Variants in PDCD6IP observed in about 807,000 individuals in gnomAD.
PDCD6IP encodes the protein programmed cell death 6 interacting protein, also known as programmed cell death 6-interacting protein.
PDCD6IP carries 43 observed loss-of-function variants against 103.7 expected under a neutral mutation model. That is an observed-to-expected ratio of 0.41 (90% CI 0.32 to 0.53). The LOEUF is 0.53. Ranked by LOEUF, PDCD6IP falls within the 20% of genes least tolerant of loss-of-function variation. The probability of loss-of-function intolerance (pLI) is 0.16; values close to 1 mark genes in which losing one functional copy is unlikely to be tolerated. For synonymous variants in PDCD6IP, 354 were observed against 378.7 expected (o/e 0.93, Z 0.76); for missense variants, 871 against 1,036.7 (o/e 0.84, Z 2.20).
chr3:33,815,743 T>A (rs1429551483), intron 3 of PDCD6IP, among the ~76,000 whole-genome samples: 1 of 152,200 alleles, frequency 6.6e-6, no homozygotes. Context: ...TGTTGGATAT[T>A]TATTCCTCTT....
chr3:33,835,782 T>C (rs1276193988), intron 7 of PDCD6IP, among the ~76,000 whole-genome samples: 1 of 152,214 alleles, frequency 6.6e-6, no homozygotes, highest in African/African-American at 2.4e-5. Flanking sequence ...CAGTTTATAC[T>C]GATGGGCTCA....
In PDCD6IP at chr3:33,811,931, G is replaced by A. The variant is rs565072587; in HGVS notation, c.210-141G>A. 4.9e-5 allele frequency: 55 copies of A among 1,128,376 alleles called. No individual in the cohort carries two copies. In the Middle Eastern group the frequency reaches 1.6e-3, roughly 32 times the overall value. 69.9% of individuals were successfully genotyped at this position (1,128,376 alleles called of 1,614,324 possible). The stretch of plus-strand genomic sequence containing the variant: ...TATATTTTTTAAGCTTCTGGTTTAC[G>A]TATTAAAAAACTTTTTTTCATATAA... On this transcript the variant is annotated intron_variant, in intron 1 of 17. Coordinates refer to ENST00000307296, the MANE Select transcript of PDCD6IP (RefSeq NM_013374.6).
Position 33,828,853 on chromosome 3 carries a change from G to A in PDCD6IP, c.718G>A (p.Glu240Lys). Reference protein sequence around the residue: ...QCQYKDTLPKEVFPVLAAKHC... With the variant: ...QCQYKDTLPKKVFPVLAAKHC... ...CCCTGGTCAGTATTTTTATTTCCAG[G>A]AGGTGTTCCCTGTCTTGGCTGCAAA... Residue 240 changes from glutamate to lysine, a missense_variant and splice_region_variant, in exon 7 of 18, where the codon GAG becomes AAG. Glu to Lys is a moderately conservative substitution (Grantham distance 56, BLOSUM62 1). This residue lies in a region of PDCD6IP where 242 missense variants were observed against 250.7 expected (regional missense o/e 0.97). Transcript: ENST00000307296. The A allele has an allele frequency of 6.2e-7, 1 of 1,612,826 alleles. No individual in the cohort carries two copies. Among genetic ancestry groups the A allele is most frequent in the Non-Finnish European group, 8.5e-7 (1 of 1,179,170 alleles).
chr3:33,838,774 GTGTATATATATATATTTA>G (rs1697407788), intron 9 of PDCD6IP, among the ~76,000 whole-genome samples: 1 of 150,682 alleles, frequency 6.6e-6, no homozygotes, highest in Non-Finnish European at 1.5e-5. Flanking sequence ...GTGTGTGTAT[GTGTATATATATATATTTA>G]TGTATATATA....
At chr3:33,814,691 T>C (rs541110937) in intron 3 of PDCD6IP, among the ~76,000 whole-genome samples, 399 of 146,208 alleles carry the variant, frequency 2.7e-3, no homozygotes, top group Non-Finnish European at 3.1e-3. Flanking sequence ...ATATAATGTG[T>C]ATTATATATA....
chr3:33,814,546 GATATATGTATATTTCATGT>G (rs1331497997), intron 3 of PDCD6IP, among the ~76,000 whole-genome samples: 32 of 142,206 alleles, frequency 2.3e-4, no homozygotes, highest in Admixed American at 5.8e-4. Context: ...ATGTATATGT[GATATATGTATATTTCATGT>G]ATATATGTAT....
At chr3:33,825,061 C>A in intron 4 of PDCD6IP, 126 bp from the exon 5 acceptor site, 1 of 795,400 alleles carries the variant, frequency 1.3e-6, no homozygotes, top group South Asian at 1.7e-5. Context: ...ATTGGTTTTG[C>A]ATAATATAAA....
At chr3:33,843,403 C>T (rs570480982) in intron 10 of PDCD6IP, among the ~76,000 whole-genome samples, 1 of 148,552 alleles carries the variant, frequency 6.7e-6, no homozygotes, top group East Asian at 2.0e-4. Flanking sequence ...GGATGGTGGG[C>T]CAGTGCTAGC....
intron 1 of PDCD6IP, among the ~76,000 whole-genome samples, chr3:33,803,262 C>G (rs901982920): frequency 6.6e-6 from 1 of 152,204 alleles, no homozygotes; most frequent in Non-Finnish European, 1.5e-5. Flanking sequence ...TTCTCATCAG[C>G]AGGTATATGG....
chr3:33,858,239 C>T (rs1437024274), intron 15 of PDCD6IP, among the ~76,000 whole-genome samples: 1 of 152,012 alleles, frequency 6.6e-6, no homozygotes, highest in Non-Finnish European at 1.5e-5. Flanking sequence ...GTGAAGAAAA[C>T]AGTATTTCAA....
At chr3:33,804,699 T>A (rs1342256158) in intron 1 of PDCD6IP, among the ~76,000 whole-genome samples, 1 of 152,240 alleles carries the variant, frequency 6.6e-6, no homozygotes, top group African/African-American at 2.4e-5. Flanking sequence ...CACAGGAGAT[T>A]TAAGCCCACA....
intron 1 of PDCD6IP, among the ~76,000 whole-genome samples, chr3:33,810,379 C>T (rs1044791815): frequency 6.6e-6 from 1 of 152,172 alleles, no homozygotes; most frequent in Non-Finnish European, 1.5e-5. Flanking sequence ...GACATGTCCT[C>T]ATCATTTTTT....
intron 3 of PDCD6IP, among the ~76,000 whole-genome samples, chr3:33,819,916 A>G (rs1267182328): frequency 6.6e-6 from 1 of 152,254 alleles, no homozygotes; most frequent in Non-Finnish European, 1.5e-5. Flanking sequence ...GGTATTAAGT[A>G]CATTTACATT....
chr3:33,805,805 C>T (rs1355346920), intron 1 of PDCD6IP, among the ~76,000 whole-genome samples: 5 of 151,582 alleles, frequency 3.3e-5, no homozygotes, highest in African/African-American at 9.7e-5. Context: ...AGTGCAGTGG[C>T]GCGATCTTGG....
intron 1 of PDCD6IP, among the ~76,000 whole-genome samples, chr3:33,809,666 A>C (rs1696674589): frequency 1.3e-5 from 2 of 152,212 alleles, no homozygotes; most frequent in African/African-American, 4.8e-5. Flanking sequence ...AATTCATTCA[A>C]ATATTGCTGA....
chr3:33,810,896 ATTTT>A (rs772180215), intron 1 of PDCD6IP, among the ~76,000 whole-genome samples: 1 of 138,114 alleles, frequency 7.2e-6, no homozygotes. Context: ...ATGTTTGTGG[ATTTT>A]TTTTTTTTTT....
rs1210851724 is a variant in PDCD6IP at position 33,804,722 on chromosome 3, T to C, written c.209+5785T>C. 3.9e-5 allele frequency among the ~76,000 whole-genome samples: 6 copies of C among 152,378 alleles called. No homozygotes were observed. In the East Asian group the frequency reaches 1.2e-3, roughly 29 times the overall value. The stretch of plus-strand genomic sequence containing the variant: ...ATTTAAGCCCACAAAGCTATCTTTA[T>C]GGCAGAACTGGACTAAGATCCTGAC... On this transcript the variant is annotated intron_variant, in intron 1 of 17. Transcript: ENST00000307296.
intron 5 of PDCD6IP, 27 bp downstream of exon 5, chr3:33,825,367 A>G (rs755180669): frequency 4.5e-6 from 7 of 1,561,440 alleles, no homozygotes; most frequent in South Asian, 3.6e-5. Flanking sequence ...TTTTTGTTGC[A>G]TGTGAAAAAA....
In PDCD6IP at chr3:33,828,839, A is replaced by G; in HGVS notation, c.718-14A>G. The G allele has an allele frequency of 6.2e-7, 1 of 1,612,558 alleles. No homozygotes were observed. The highest frequency in any genetic ancestry group is 8.5e-7 in the Non-Finnish European group (1 of 1,178,984). Reference sequence around the variant, plus strand: ...GTGGTTGGACTCTCCCCTGGTCAGTATTTTTATTTCCAGGAGGTGTTCCCT... The same window carrying G: ...GTGGTTGGACTCTCCCCTGGTCAGTGTTTTTATTTCCAGGAGGTGTTCCCT... On this transcript the variant is annotated splice_polypyrimidine_tract_variant and intron_variant, in intron 6 of 17. Coordinates refer to ENST00000307296, the MANE Select transcript of PDCD6IP (RefSeq NM_013374.6).
Sources: allele counts gnomAD v4.1 joint callset (sites outside exome capture counted in the v4.1 genomes callset), GRCh38; gene constraint gnomAD v4.1.1; regional missense constraint gnomAD v4.1.1; transcripts MANE v1.5; gene names NCBI Gene and HGNC (gene_info 2026-07-23, HGNC 2026-07-21).